The following RAB44 variants were observed in gnomAD, a reference collection of about 807,000 sequenced individuals.
RAB44 encodes ras-related protein Rab-44.
RAB44 carries 67 observed loss-of-function variants against 93.3 expected under a neutral mutation model. The ratio of observed to expected loss-of-function variants is 0.72; its 90% confidence interval spans 0.59 to 0.88. The LOEUF is 0.88. Ranked by LOEUF, RAB44 falls within the 40% of genes least tolerant of loss-of-function variation. The probability of loss-of-function intolerance (pLI) is 0.00; values close to 1 mark genes in which losing one functional copy is unlikely to be tolerated. For missense variants in RAB44, 1,064 were observed against 1,261.7 expected (o/e 0.84, Z 2.37); for synonymous variants, 427 against 520.3 (o/e 0.82, Z 2.44).
chr6:36,728,834 G>A (rs187246169), intron 12 of RAB44, 33 bp downstream of exon 12: 7 of 1,502,918 alleles, frequency 4.7e-6, no homozygotes, highest in East Asian at 2.5e-5. Flanking sequence ...GTCTCTGTGC[G>A]TGGACTGGGC....
At chr6:36,716,362 C>G (rs1414713219) in intron 4 of RAB44, among the ~76,000 whole-genome samples, 1 of 151,278 alleles carries the variant, frequency 6.6e-6, no homozygotes, top group Non-Finnish European at 1.5e-5. Context: ...CCCAGCTACT[C>G]AGGAGGCTGA....
rs1029361770 is a variant in RAB44, at chr6:36,730,660, G to C, written c.2899-13G>C. The C allele has an allele frequency of 6.5e-6, 8 of 1,233,674 alleles. No individual in the cohort carries two copies. Among genetic ancestry groups the C allele is most frequent in the Non-Finnish European group, 8.1e-6 (8 of 987,600 alleles). The allele number at this position is 1,233,674 out of a possible 1,614,324, so 76.4% of individuals were successfully genotyped here. A position where few individuals can be genotyped will look rare whatever the true frequency, so the allele number is the denominator to read the frequency against. On this transcript the variant is annotated splice_polypyrimidine_tract_variant and intron_variant, in intron 12 of 13. Coordinates refer to ENST00000612677, the MANE Select transcript of RAB44 (RefSeq NM_001257357.2). ...TCCCAAGGCACATATGTCCCTCCCT[G>C]TCTGGCCTGCAGGAACTGGGGGTCT...
At chr6:36,716,768 T>A (rs1198724865) in intron 4 of RAB44, among the ~76,000 whole-genome samples, 1 of 152,212 alleles carries the variant, frequency 6.6e-6, no homozygotes, top group Admixed American at 6.5e-5. Flanking sequence ...CCCTCTGGCA[T>A]CCATCCTCAT....
chr6:36,720,481 T>A lies in RAB44; in HGVS notation c.947T>A (p.Leu316Gln), dbSNP rs1456153891. The change falls in exon 8 of 14, where the codon CTG (leucine) becomes CAG (glutamine). Residue 316 changes from leucine to glutamine, a missense_variant. Transcript: ENST00000612677. ...CGGCTGGAGGAGGTGCGGGGGCAGC[T>A]GCAGGTGACCAGGGGGCGCCTGGAC... ...AGRLEEVRGQ[L>Q]QVTRGRLDAA... 2.1e-5 allele frequency: 26 copies of A among 1,233,182 alleles called. No homozygotes were observed. The highest frequency in any genetic ancestry group is 2.6e-5 in the Non-Finnish European group (26 of 988,400). The allele number at this position is 1,233,182 out of a possible 1,614,324, so 76.4% of individuals were successfully genotyped here.
intron 3 of RAB44, among the ~76,000 whole-genome samples, chr6:36,714,415 G>C (rs973351426): frequency 6.6e-6 from 1 of 152,170 alleles, no homozygotes; most frequent in African/African-American, 2.4e-5. Flanking sequence ...TCCTCTCCCT[G>C]GGAAGACCTT....
chr6:36,700,746 T>TGTTTTG (rs1762490132), intron 1 of RAB44, among the ~76,000 whole-genome samples: 1 of 152,166 alleles, frequency 6.6e-6, no homozygotes, highest in Non-Finnish European at 1.5e-5. Flanking sequence ...TTGTTGTTGT[T>TGTTTTG]GTTTTGTTTA....
chr6:36,718,369 C>T (rs1489238740), intron 6 of RAB44, 124 bp from the exon 7 acceptor site: 4 of 485,170 alleles, frequency 8.2e-6, no homozygotes, highest in African/African-American at 2.0e-5. Context: ...TCCTGAGAAC[C>T]CTCCCTGCTG....
chr6:36,713,958 G>A lies in RAB44; in HGVS notation c.319+19G>A. 1 of 1,454,048 alleles carries A rather than the reference G, an allele frequency of 6.9e-7. No homozygotes were observed. Among genetic ancestry groups the A allele is most frequent in the Non-Finnish European group, 9.3e-7 (1 of 1,072,232 alleles). The allele number at this position is 1,454,048 out of a possible 1,614,324, so 90.1% of individuals were successfully genotyped here. On this transcript the variant is annotated intron_variant, in intron 3 of 13. Transcript: ENST00000612677. The stretch of plus-strand genomic sequence containing the variant: ...GGACTCAGTATGTCTGTCTTTGGAG[G>A]GCCTCTGGGCACCCAGGTGTTCCGT...
intron 9 of RAB44, 100 bp downstream of exon 9, chr6:36,722,833 G>T (rs756896471): frequency 4.6e-5 from 66 of 1,423,352 alleles, no homozygotes; most frequent in Non-Finnish European, 5.8e-5. Flanking sequence ...TGAGGAAGCT[G>T]CAGGTTCTGC....
intron 12 of RAB44, among the ~76,000 whole-genome samples, chr6:36,729,586 G>A (rs903440425): frequency 6.6e-6 from 1 of 151,536 alleles, no homozygotes; most frequent in South Asian, 2.1e-4. Context: ...GGGTTCAAGC[G>A]ATTCTCCCAC....
rs1762987060 is a variant in RAB44 at position 36,718,579 on chromosome 6, C to T, written c.819C>T (p.Gly273=). The T allele has an allele frequency of 1.1e-5, 14 of 1,233,032 alleles. No homozygotes were observed. In the South Asian group the frequency reaches 3.7e-4, roughly 32 times the overall value. 76.4% of individuals were successfully genotyped at this position (1,233,032 alleles called of 1,614,324 possible). ...KEREVQRLAE[G]QRELEAQLSH... is the part of the protein sequence containing the mutation. ...GCGAGGTGCAGCGACTAGCTGAGGGCCAGAGGGAGGTGAGTAATAGGGTTT... is the reference window on the plus strand; with the variant it reads ...GCGAGGTGCAGCGACTAGCTGAGGGTCAGAGGGAGGTGAGTAATAGGGTTT... The change falls in exon 7 of 14, where the codon GGC becomes GGT. Residue 273 remains glycine (G), a synonymous_variant. Coordinates refer to ENST00000612677, the MANE Select transcript of RAB44 (RefSeq NM_001257357.2).
intron 12 of RAB44, 147 bp from the exon 13 acceptor site, chr6:36,730,526 G>A (rs2150343202): frequency 9.1e-6 from 4 of 440,522 alleles, no homozygotes; most frequent in Non-Finnish European, 1.5e-5. Context: ...CGTGGCCCAC[G>A]CTGAGATGGG....
intron 5 of RAB44, 21 bp from the exon 6 acceptor site, chr6:36,718,007 C>A (rs894212611): frequency 4.9e-6 from 6 of 1,229,956 alleles, no homozygotes; most frequent in Non-Finnish European, 4.1e-6. Context: ...GCTGCCTGGC[C>A]CCAACTCCTG....
In RAB44 at chr6:36,722,020, C is replaced by A. The variant is rs1763098943; in HGVS notation, c.1886C>A (p.Thr629Lys). Residue 629 changes from threonine to lysine, a missense_variant, in exon 9 of 14, where the codon ACA (threonine) becomes AAA (lysine). By Grantham distance (78) the Thr-to-Lys change is moderately conservative. Transcript: ENST00000612677. ...QGLEFVGPVP[T>K]ERLEQGQAGP... The stretch of plus-strand genomic sequence containing the variant: ...CTGGAATTTGTGGGTCCGGTGCCCA[C>A]AGAGAGGCTGGAGCAGGGCCAGGCG... 8.1e-7 allele frequency: 1 copy of A among 1,232,802 alleles called. No individual in the cohort carries two copies. 76.4% of individuals were successfully genotyped at this position (1,232,802 alleles called of 1,614,324 possible). A position where few individuals can be genotyped will look rare whatever the true frequency, so the allele number is the denominator to read the frequency against.
At chr6:36,706,976 G>A (rs2150326507) in intron 2 of RAB44, among the ~76,000 whole-genome samples, 2 of 152,194 alleles carry the variant, frequency 1.3e-5, no homozygotes, top group East Asian at 1.9e-4. Context: ...GAATTGTGAG[G>A]GGGTCAGTGA....
Position 36,713,910 on chromosome 6 carries a change from T to A in RAB44, c.290T>A (p.Leu97Gln), listed in dbSNP as rs1762847434. The change falls in exon 3 of 14, where the codon CTG becomes CAG. Residue 97 changes from leucine (L) to glutamine (Q), a missense_variant. Transcript: ENST00000612677. The stretch of plus-strand genomic sequence containing the variant: ...GTGGATGTGGAGCGGAAGGGACACC[T>A]GTCCCTTGAAGAATTCAGCTCTGGA... ...DWVDVERKGH[L>Q]SLEEFSSGLK... 1 of 1,535,144 alleles carries A rather than the reference T, an allele frequency of 6.5e-7. No individual in the cohort carries two copies. The highest frequency in any genetic ancestry group is 1.4e-5 in the African/African-American group (1 of 73,012).
intron 9 of RAB44, among the ~76,000 whole-genome samples, chr6:36,724,780 A>G (rs1403580556): frequency 6.6e-6 from 1 of 152,126 alleles, no homozygotes; most frequent in Non-Finnish European, 1.5e-5. Flanking sequence ...ATCCCAAGCT[A>G]TGGTTTGCTG....
intron 1 of RAB44, among the ~76,000 whole-genome samples, chr6:36,701,927 C>T (rs150042412): frequency 1.6e-3 from 239 of 150,828 alleles, no homozygotes; most frequent in African/African-American, 5.5e-3. Context: ...GTACCTTTTC[C>T]TAATTCACTT....
intron 9 of RAB44, 63 bp downstream of exon 9, chr6:36,722,796 G>T: frequency 6.5e-7 from 1 of 1,537,106 alleles, no homozygotes. Context: ...GCCAACGAGT[G>T]AGAGCGGGCC....
Sources: allele counts gnomAD v4.1 joint callset (sites outside exome capture counted in the v4.1 genomes callset), GRCh38; gene constraint gnomAD v4.1.1; transcripts MANE v1.5; gene names NCBI Gene and HGNC (gene_info 2026-07-23, HGNC 2026-07-21).